The following BOC variants were observed in gnomAD, a reference collection of about 807,000 sequenced individuals.
BOC encodes brother of CDO.
BOC carries 76 observed loss-of-function variants against 112.0 expected under a neutral mutation model. The ratio of observed to expected loss-of-function variants is 0.68; its 90% CI spans 0.56 to 0.82. BOC has a LOEUF of 0.82. BOC is among the 40% of genes least tolerant of loss of function. The probability of loss-of-function intolerance (pLI) is 0.00; values close to 1 mark genes in which losing one functional copy is unlikely to be tolerated. For missense variants in BOC, 1,309 were observed against 1,511.7 expected, an observed-to-expected ratio of 0.87 and a Z score of 2.22; for synonymous variants, 580 against 599.8, an observed-to-expected ratio of 0.97 and a Z score of 0.48.
chr3:113,273,145 G>C lies in BOC; in HGVS notation c.1038G>C (p.Val346=). The C allele has an allele frequency of 6.2e-7, 1 of 1,613,986 alleles. No individual in the cohort carries two copies. Among genetic ancestry groups the C allele is most frequent in the Admixed American group, 1.7e-5 (1 of 60,014 alleles). ...AGAGTGCCAAGCTTACCTGTGAGGT[G>C]CGTGGGAACCCCCCGCCCTCCGTGC... ...WGQSAKLTCE[V]RGNPPPSVLW... is the part of the protein sequence containing the mutation. The change falls in exon 8 of 20, where the codon GTG becomes GTC. Residue 346 remains valine, a synonymous_variant. Transcript: ENST00000682979.
intron 19 of BOC, 76 bp downstream of exon 19, chr3:113,285,641 AAC>A (rs1367066558): frequency 2.2e-6 from 3 of 1,361,092 alleles, no homozygotes; most frequent in Non-Finnish European, 2.9e-6. Flanking sequence ...AGCCAGTAGT[AAC>A]AGTCTTCAAA....
intron 4 of BOC, among the ~76,000 whole-genome samples, chr3:113,263,019 G>A (rs557488660): frequency 6.6e-6 from 1 of 152,244 alleles, no homozygotes; most frequent in African/African-American, 2.4e-5. Flanking sequence ...GGACTGAGGT[G>A]CAGGGAAGGA....
At chr3:113,280,880 C>A in intron 14 of BOC, 151 bp from the exon 15 acceptor site, 2 of 1,107,866 alleles carry the variant, frequency 1.8e-6, no homozygotes, top group Non-Finnish European at 2.6e-6. Flanking sequence ...ACACCTAGAA[C>A]ATTTCCTCCA....
rs1948499625 is a variant in BOC at position 113,274,861 on chromosome 3, TGGTTGTAAGATG to T, written c.1542+183_1542+194del. ...CCATCCCTGCCACCTCCCAGGAAGCTGGTTGTAAGATGGGTGTGTGGGACCCTGGAAGGCCCA... is the reference window on the plus strand; with the variant it reads ...CCATCCCTGCCACCTCCCAGGAAGCTGGTGTGTGGGACCCTGGAAGGCCCA... On this transcript the variant is annotated intron_variant, in intron 9 of 19. Coordinates refer to ENST00000682979, the MANE Select transcript of BOC (RefSeq NM_001378074.1). The surrounding 1 kb of genome is among the most constrained non-coding windows in gnomAD (Gnocchi z 4.8). Among the ~76,000 whole-genome samples the T allele has an allele frequency of 3.9e-5, 6 of 152,134 alleles. No homozygotes were observed. Among genetic ancestry groups the T allele is most frequent in the Admixed American group, 3.9e-4 (6 of 15,280 alleles).
intron 2 of BOC, among the ~76,000 whole-genome samples, chr3:113,239,124 A>T (rs906354978): frequency 2.0e-4 from 31 of 152,252 alleles, no homozygotes; most frequent in African/African-American, 7.2e-4. Context: ...GTGTAAAAAC[A>T]TCTCAATTTT....
At position 113,279,821 on chromosome 3, in the gene BOC, C is replaced by A; in HGVS notation, c.2024-3C>A. 3 of 1,601,174 alleles carry A rather than the reference C, an allele frequency of 1.9e-6. No homozygotes were observed. Among genetic ancestry groups the A allele is most frequent in the Admixed American group, 1.7e-5 (1 of 58,530 alleles). ...TGAGTTCAGTGAGTGTCCCTCTCACCAGGCACCTCCTACAAGTTTCGAGTC... is the reference window on the plus strand; with the variant it reads ...TGAGTTCAGTGAGTGTCCCTCTCACAAGGCACCTCCTACAAGTTTCGAGTC... On this transcript the variant is annotated splice_region_variant and splice_polypyrimidine_tract_variant and intron_variant, in intron 12 of 19. Coordinates refer to ENST00000682979, the MANE Select transcript of BOC (RefSeq NM_001378074.1).
rs552570670 is a variant in BOC, at chr3:113,250,888, A to G, written c.376+55A>G. 6.9e-6 allele frequency: 11 copies of G among 1,591,762 alleles called. No homozygotes were observed. In the African/African-American group the frequency reaches 9.4e-5, roughly 14 times the overall value. ...GGTGCGGTCCCTCCTCATCTCTCCC[A>G]CCCTGAAGCCCCCACCATTCATGCT... On this transcript the variant is annotated intron_variant, in intron 4 of 19. Coordinates refer to ENST00000682979, the MANE Select transcript of BOC (RefSeq NM_001378074.1).
At chr3:113,256,911 T>C (rs2107486373) in intron 4 of BOC, among the ~76,000 whole-genome samples, 1 of 152,318 alleles carries the variant, frequency 6.6e-6, no homozygotes, top group South Asian at 2.1e-4. Flanking sequence ...AGCAGGAAAC[T>C]CAGGCATATT....
chr3:113,280,013 G>T lies in BOC; in HGVS notation c.2205+8G>T. On this transcript the variant is annotated splice_region_variant and intron_variant, in intron 13 of 19. Coordinates refer to ENST00000682979, the MANE Select transcript of BOC (RefSeq NM_001378074.1). ...ATCATGCTCAAGTGGATGGTAAGCG[G>T]GCCTGGCCGTGGACTGCAGTGGAAG... 6.3e-7 allele frequency: 1 copy of T among 1,598,280 alleles called. No individual in the cohort carries two copies.
chr3:113,236,890 C>G (rs1326365541), intron 2 of BOC, among the ~76,000 whole-genome samples: 1 of 152,282 alleles, frequency 6.6e-6, no homozygotes, highest in Non-Finnish European at 1.5e-5. Flanking sequence ...GTTGCTTTTG[C>G]GCATTATCTT....
At position 113,270,954 on chromosome 3, in the gene BOC, G is replaced by C; in HGVS notation, c.667+10G>C. ...AGGCTACGTGTGCGCCGTAAGGCCC[G>C]GGCCCACCTGCTGGGGGATGGGGGA... On this transcript the variant is annotated intron_variant, in intron 6 of 19. Coordinates refer to ENST00000682979, the MANE Select transcript of BOC (RefSeq NM_001378074.1). 6.2e-7 allele frequency: 1 copy of C among 1,614,032 alleles called. No individual in the cohort carries two copies. The highest frequency in any genetic ancestry group is 8.5e-7 in the Non-Finnish European group (1 of 1,180,028).
In BOC at chr3:113,274,395, C is replaced by G. The variant is rs1486473030; in HGVS notation, c.1255C>G (p.Gln419Glu). ...TCCAGGCATAACCCCAAGGCTATGG[C>G]AGGATGCTGAGCTGGCTACTGGCAC... is the stretch of plus-strand genomic sequence containing the variant. The part of the protein sequence containing the change: ...SRPSITPRLW[Q>E]DAELATGTPP... Residue 419 changes from glutamine to glutamate, a missense_variant, in exon 9 of 20, where the codon CAG becomes GAG. Coordinates refer to ENST00000682979, the MANE Select transcript of BOC (RefSeq NM_001378074.1). This position sits in a 1 kb window ranked among gnomAD's most constrained non-coding sequence, Gnocchi z 4.8. The G allele has an allele frequency of 6.4e-7, 1 of 1,556,206 alleles. No homozygotes were observed. The highest frequency in any genetic ancestry group is 8.7e-7 in the Non-Finnish European group (1 of 1,147,108).
chr3:113,284,674 G>C, intron 17 of BOC, 107 bp downstream of exon 17: 3 of 1,524,212 alleles, frequency 2.0e-6, no homozygotes, highest in Admixed American at 1.7e-5. Flanking sequence ...TGGGCTGCTG[G>C]GCCAGGCTTT....
rs919863726 is a variant in BOC at position 113,283,490 on chromosome 3, A to G, written c.2514A>G (p.Ile838Met). ...APPQPPLPET[I>M]ERPVGTGAMV... ...CACAGCCGCCCCTTCCTGAAACCATAGAGCGGCCGGTGGGCACTGGGGCCA... is the reference window on the plus strand; with the variant it reads ...CACAGCCGCCCCTTCCTGAAACCATGGAGCGGCCGGTGGGCACTGGGGCCA... The change falls in exon 16 of 20, where the codon ATA becomes ATG. Residue 838 changes from isoleucine to methionine, a missense_variant. Coordinates refer to ENST00000682979, the MANE Select transcript of BOC (RefSeq NM_001378074.1). The G allele has an allele frequency of 1.9e-6, 3 of 1,614,060 alleles. No individual in the cohort carries two copies. The highest frequency in any genetic ancestry group is 2.2e-5 in the East Asian group (1 of 44,866).
At position 113,272,557 on chromosome 3, in the gene BOC, C is replaced by A. The variant is rs78290342; in HGVS notation, c.815C>A (p.Thr272Asn). The A allele has an allele frequency of 1.6e-4, 253 of 1,614,082 alleles. No homozygotes were observed. The African/African-American group carries it at 2.9e-3, about 19-fold the overall frequency. The change falls in exon 7 of 20, where the codon ACC becomes AAC. Residue 272 changes from threonine to asparagine, a missense_variant. Coordinates refer to ENST00000682979, the MANE Select transcript of BOC (RefSeq NM_001378074.1). ...VTWAKDGSSV[T>N]GYNKTRFLLS... ...TGGGCCAAGGATGGGTCCAGTGTCA[C>A]CGGCTACAACAAGACGCGCTTCCTG...
chr3:113,236,104 C>G, intron 2 of BOC, among the ~76,000 whole-genome samples: 1 of 151,224 alleles, frequency 6.6e-6, no homozygotes, highest in East Asian at 2.0e-4. Context: ...AAAAAAGATA[C>G]GTGCACTTCT....
At chr3:113,270,741 G>C in intron 5 of BOC, 60 bp from the exon 6 acceptor site, 1 of 1,532,710 alleles carries the variant, frequency 6.5e-7, no homozygotes, top group Non-Finnish European at 8.8e-7. Context: ...CTTTGTGGAA[G>C]CTGCAGAGTG....
chr3:113,247,131 A>C lies in BOC; in HGVS notation c.-81-2591A>C, dbSNP rs1009433015. Among the ~76,000 whole-genome samples, 7 of 151,786 alleles carry C rather than the reference A, an allele frequency of 4.6e-5. No individual in the cohort carries two copies. In the East Asian group the frequency reaches 1.4e-3, roughly 29 times the overall value. Reference sequence around the variant, plus strand: ...GTCCTCTTTTGCCCTTCATTACTTTATGTTCATTTTCTGTCTCCCTACCTC... The same window carrying C: ...GTCCTCTTTTGCCCTTCATTACTTTCTGTTCATTTTCTGTCTCCCTACCTC... On this transcript the variant is annotated intron_variant, in intron 2 of 19. Transcript: ENST00000682979.
chr3:113,215,594 G>T (rs1306338143), intron 1 of BOC, among the ~76,000 whole-genome samples: 1 of 152,074 alleles, frequency 6.6e-6, no homozygotes, highest in Admixed American at 6.6e-5. Context: ...ATTGTTGCTG[G>T]CACGTGGCTG....
Sources: allele counts gnomAD v4.1 joint callset (sites outside exome capture counted in the v4.1 genomes callset), GRCh38; gene constraint gnomAD v4.1.1; non-coding constraint Gnocchi (gnomAD v3.1); transcripts MANE v1.5; gene names NCBI Gene and HGNC (gene_info 2026-07-23, HGNC 2026-07-21).